DHX57: variants seen among roughly 807,000 people sequenced by gnomAD.
DHX57 encodes the protein DExH-box helicase 57.
Under a neutral mutation model 156.2 loss-of-function variants are expected in DHX57, and 105 were observed. That is an observed-to-expected ratio of 0.67 (90% confidence interval 0.57 to 0.79). DHX57 has a LOEUF of 0.79. Among genes scored for constraint, DHX57 ranks in the 30% least tolerant of loss-of-function variants. The pLI, the probability that DHX57 is intolerant of heterozygous loss-of-function variation, is 0.00. For missense variants in DHX57, 1,847 were observed against 1,661.9 expected, an observed-to-expected ratio of 1.11 and a Z score of -1.94; for synonymous variants, 704 against 595.6, an observed-to-expected ratio of 1.18 and a Z score of -2.65.
chr2:38,867,931 C>T (rs946685527), intron 2 of DHX57, among the ~76,000 whole-genome samples: 2 of 152,194 alleles, frequency 1.3e-5, no homozygotes, highest in East Asian at 1.9e-4. Flanking sequence ...ATTTTCATCA[C>T]ACTATTTCTG....
intron 1 of DHX57, among the ~76,000 whole-genome samples, chr2:38,873,271 G>C (rs1047615308): frequency 2.0e-5 from 3 of 152,132 alleles, no homozygotes; most frequent in Non-Finnish European, 4.4e-5. Context: ...GATTACAGGC[G>C]TGAGCCACTG....
At chr2:38,822,661 C>T (rs1196886309) in intron 17 of DHX57, among the ~76,000 whole-genome samples, 2 of 152,186 alleles carry the variant, frequency 1.3e-5, no homozygotes, top group East Asian at 1.9e-4. Flanking sequence ...TCCCAAAGTG[C>T]GGGGATTACA....
intron 19 of DHX57, among the ~76,000 whole-genome samples, chr2:38,817,842 C>T (rs561349152): frequency 1.3e-5 from 2 of 152,124 alleles, no homozygotes; most frequent in East Asian, 3.9e-4. Flanking sequence ...GGATTACAGG[C>T]CCATGTCACT....
At chr2:38,849,575 G>A (rs1019580261) in intron 9 of DHX57, among the ~76,000 whole-genome samples, 3 of 151,772 alleles carry the variant, frequency 2.0e-5, no homozygotes, top group Non-Finnish European at 4.4e-5. Flanking sequence ...ATCTGATTGT[G>A]CCACTCTTCT....
intron 21 of DHX57, 74 bp from the exon 22 acceptor site, chr2:38,806,767 G>A: frequency 6.9e-7 from 1 of 1,440,366 alleles, no homozygotes; most frequent in Non-Finnish European, 9.4e-7. Context: ...TGGCACAAAA[G>A]CACAAAACCA....
intron 12 of DHX57, among the ~76,000 whole-genome samples, chr2:38,839,719 C>CAAAAA (rs778698613): frequency 1.0e-5 from 1 of 100,252 alleles, no homozygotes; most frequent in Non-Finnish European, 2.1e-5. Context: ...GACTCCGTCT[C>CAAAAA]AAAAAAAAAA....
intron 19 of DHX57, among the ~76,000 whole-genome samples, chr2:38,817,165 CA>C (rs1670586732): frequency 6.6e-6 from 1 of 151,978 alleles, no homozygotes; most frequent in Non-Finnish European, 1.5e-5. Context: ...CTCCTGGGCT[CA>C]AAGGTTCTGC....
At chr2:38,846,683 T>C (rs1204519768) in intron 11 of DHX57, among the ~76,000 whole-genome samples, 1 of 151,270 alleles carries the variant, frequency 6.6e-6, no homozygotes. Flanking sequence ...GTCTGTTTGC[T>C]GAAAGAGAGG....
chr2:38,829,656 C>T (rs1193617773), intron 13 of DHX57, among the ~76,000 whole-genome samples: 1 of 152,100 alleles, frequency 6.6e-6, no homozygotes, highest in African/African-American at 2.4e-5. Context: ...TGAGCCCAAG[C>T]AATCTTTCTG....
intron 19 of DHX57, among the ~76,000 whole-genome samples, chr2:38,817,336 A>C (rs892569161): frequency 1.3e-5 from 2 of 151,976 alleles, no homozygotes; most frequent in African/African-American, 4.8e-5. Context: ...ATTTTTTGAG[A>C]CAAAGTCTCC....
chr2:38,854,142 C>T lies in DHX57; in HGVS notation c.1942G>A (p.Val648Met). The T allele has an allele frequency of 6.2e-7, 1 of 1,614,002 alleles. No homozygotes were observed. The highest frequency in any genetic ancestry group is 8.5e-7 in the Non-Finnish European group (1 of 1,179,928). Residue 648 changes from valine to methionine, a missense_variant, in exon 9 of 24, where the codon GTG becomes ATG. Val to Met is a conservative substitution (Grantham distance 21). Transcript: ENST00000457308. The part of the protein sequence containing the change: ...ATRLLYCTTG[V>M]LLRRLEGDTA... Reference sequence around the variant, plus strand: ...TCTCCTTCTAGCCTTCTCAGCAGCACTCCCGTGGTGCAGTATAACAGTCTG... The same window carrying T: ...TCTCCTTCTAGCCTTCTCAGCAGCATTCCCGTGGTGCAGTATAACAGTCTG...
intron 12 of DHX57, among the ~76,000 whole-genome samples, chr2:38,840,994 A>G (rs1041459320): frequency 1.3e-5 from 2 of 152,072 alleles, no homozygotes; most frequent in African/African-American, 4.8e-5. Context: ...AATTTTAAAA[A>G]ACATTTGTAG....
chr2:38,812,656 CCT>C (rs1670311265), intron 21 of DHX57, among the ~76,000 whole-genome samples: 2 of 152,182 alleles, frequency 1.3e-5, no homozygotes, highest in South Asian at 2.1e-4. Flanking sequence ...GCCTCAGCCT[CCT>C]GAGTAGCTGG....
chr2:38,826,852 C>T (rs1002636516), intron 14 of DHX57, among the ~76,000 whole-genome samples, 163 bp from the exon 15 acceptor site: 7 of 152,184 alleles, frequency 4.6e-5, no homozygotes, highest in East Asian at 1.9e-4. Flanking sequence ...AAGTCTTGGC[C>T]GGGTACGGTG....
At chr2:38,821,308 AAAG>A (rs1301969806) in intron 17 of DHX57, among the ~76,000 whole-genome samples, 1 of 152,206 alleles carries the variant, frequency 6.6e-6, no homozygotes, top group African/African-American at 2.4e-5. Flanking sequence ...GACACTAGAA[AAAG>A]AAGAGCCACC....
At chr2:38,822,856 G>C in intron 17 of DHX57, 137 bp downstream of exon 17, 2 of 848,058 alleles carry the variant, frequency 2.4e-6, no homozygotes, top group South Asian at 2.0e-5. Flanking sequence ...CTCCCATGCA[G>C]ATGTGCCCTA....
chr2:38,859,181 A>C (rs1203856967), intron 5 of DHX57, among the ~76,000 whole-genome samples: 1 of 152,246 alleles, frequency 6.6e-6, no homozygotes, highest in Non-Finnish European at 1.5e-5. Flanking sequence ...CACATAATAG[A>C]ATATTATTCA....
At chr2:38,806,459 G>A in intron 22 of DHX57, 100 bp downstream of exon 22, 6 of 1,306,814 alleles carry the variant, frequency 4.6e-6, no homozygotes, top group Non-Finnish European at 6.4e-6. Context: ...GGTATTGCTG[G>A]GGACAGCAAG....
At position 38,806,546 on chromosome 2, in the gene DHX57, C is replaced by T. The variant is rs766848477; in HGVS notation, c.3816+13G>A. 1.2e-6 allele frequency: 2 copies of T among 1,613,084 alleles called. No individual in the cohort carries two copies. Among genetic ancestry groups the T allele is most frequent in the African/African-American group, 2.7e-5 (2 of 74,898 alleles). Reference sequence around the variant, plus strand: ...ACGACCTGTAAACATTAAGTATACTCCACCATTCTGACCTGATAGTTCACT... The same window carrying T: ...ACGACCTGTAAACATTAAGTATACTTCACCATTCTGACCTGATAGTTCACT... On this transcript the variant is annotated intron_variant, in intron 22 of 23. Transcript: ENST00000457308.
Sources: allele counts gnomAD v4.1 joint callset (sites outside exome capture counted in the v4.1 genomes callset), GRCh38; gene constraint gnomAD v4.1.1; transcripts MANE v1.5; gene names NCBI Gene and HGNC (gene_info 2026-07-23, HGNC 2026-07-21).